The following CD8B2 variants were observed in gnomAD, a reference collection of about 807,000 sequenced individuals.
CD8B2 encodes CD8B family member 2.
A neutral mutation model predicts 23.7 loss-of-function variants in CD8B2; 11 were observed. The ratio of observed to expected loss-of-function variants is 0.46; its 90% CI spans 0.29 to 0.77. The LOEUF (loss-of-function observed/expected upper bound fraction) is 0.77. CD8B2 is among the 30% of genes least tolerant of loss of function. The probability of loss-of-function intolerance (pLI) is 0.09; values close to 1 mark genes in which losing one functional copy is unlikely to be tolerated. For missense variants in CD8B2, 197 were observed against 270.5 expected (o/e 0.73, Z 1.91); for synonymous variants, 90 against 109.3 (o/e 0.82, Z 1.10).
downstream of CD8B2, among the ~76,000 whole-genome samples, chr2:106,514,259 G>C (rs192262246): frequency 3.5e-3 from 520 of 150,020 alleles, 17 homozygotes; most frequent in Admixed American, 0.03. Flanking sequence ...AGGCGATTTG[G>C]TGGGGTGGGT....
At chr2:106,503,884 TGC>T (rs1308014737) in intron 4 of CD8B2, among the ~76,000 whole-genome samples, 2 of 152,244 alleles carry the variant, frequency 1.3e-5, no homozygotes, top group African/African-American at 4.8e-5. Context: ...TGAATGCAAT[TGC>T]CCTAGCCTGA....
chr2:106,537,268 C>T lies in CD8B2; in HGVS notation c.621-6724C>T, dbSNP rs142009417. 1.6e-3 allele frequency among the ~76,000 whole-genome samples: 250 copies of T among 152,258 alleles called. 1 individual carries two copies. Among genetic ancestry groups the T allele is most frequent in the Non-Finnish European group, 3.0e-3 (203 of 68,030 alleles). ...AAACACATTTAATAAACCATGGGCT[C>T]ATCACAAGGTCATCAGATGATGTCA... On this transcript the variant is annotated intron_variant, in intron 5 of 5. Transcript: ENST00000416057.
At position 106,507,261 on chromosome 2, in the gene CD8B2, T is replaced by C; in HGVS notation, c.*321T>C. The C allele has an allele frequency of 1.0e-5, 12 of 1,151,522 alleles. No individual in the cohort carries two copies. Among genetic ancestry groups the C allele is most frequent in the Non-Finnish European group, 1.2e-5 (11 of 934,748 alleles). 71.3% of individuals were successfully genotyped at this position (1,151,522 alleles called of 1,614,324 possible). A position where few individuals can be genotyped will look rare whatever the true frequency, so the allele number is the denominator to read the frequency against. Reference sequence around the variant, plus strand: ...TTCCCTGAGCTGGGACCTTTAGTGGTGGCCGTTTAGCCACCATCTTTGCAA... The same window carrying C: ...TTCCCTGAGCTGGGACCTTTAGTGGCGGCCGTTTAGCCACCATCTTTGCAA... On this transcript the variant is annotated 3_prime_UTR_variant, in exon 6 of 6. Transcript: ENST00000643224.
intron 3 of CD8B2, among the ~76,000 whole-genome samples, chr2:106,501,804 G>T (rs1679413034): frequency 6.6e-6 from 1 of 152,110 alleles, no homozygotes; most frequent in Non-Finnish European, 1.5e-5. Flanking sequence ...AAAGATGTCA[G>T]GGAACACTCT....
chr2:106,526,507 G>A (rs1444856817), intron 5 of CD8B2, among the ~76,000 whole-genome samples: 1 of 152,152 alleles, frequency 6.6e-6, no homozygotes, highest in Admixed American at 6.5e-5. Context: ...TGTAAATGTA[G>A]TCATACACTA....
rs113662644 is a variant in CD8B2, at chr2:106,507,498, C to T, written c.*558C>T. ...GGCTTCCTTTGGGGCCGGGAACTTG[C>T]GGGTTTGAGGATAGGAGTTCACTTC... On this transcript the variant is annotated 3_prime_UTR_variant, in exon 6 of 6. Coordinates refer to ENST00000643224, the MANE Select transcript of CD8B2 (RefSeq NM_001349727.2). 27,813 of 984,200 alleles carry T rather than the reference C, an allele frequency of 0.028. 465 individuals are homozygous for T. The highest frequency in any genetic ancestry group is 0.04 in the African/African-American group (2,264 of 57,314). The allele number at this position is 984,200 out of a possible 1,614,324, so 61.0% of individuals were successfully genotyped here.
intron 5 of CD8B2, among the ~76,000 whole-genome samples, chr2:106,539,234 C>T (rs1019612245): frequency 2.6e-5 from 4 of 152,164 alleles, no homozygotes; most frequent in Admixed American, 1.3e-4. Flanking sequence ...GTGCTGAGAC[C>T]TCCTGTGTCT....
At chr2:106,530,865 C>G (rs969479094) in intron 5 of CD8B2, among the ~76,000 whole-genome samples, 1 of 152,174 alleles carries the variant, frequency 6.6e-6, no homozygotes, top group Non-Finnish European at 1.5e-5. Context: ...CACACTCCCA[C>G]CAGCTCCTTG....
At chr2:106,501,318 G>A (rs1219081874) in intron 3 of CD8B2, among the ~76,000 whole-genome samples, 3 of 150,500 alleles carry the variant, frequency 2.0e-5, no homozygotes, top group South Asian at 2.1e-4. Context: ...GAAAAAAGGT[G>A]CATTGAAAAA....
intron 5 of CD8B2, among the ~76,000 whole-genome samples, chr2:106,540,527 GA>G (rs1240454345): frequency 1.3e-5 from 2 of 152,052 alleles, no homozygotes; most frequent in Non-Finnish European, 2.9e-5. Context: ...TCACAGTCTT[GA>G]GGGGGAAAAA....
intron 5 of CD8B2, among the ~76,000 whole-genome samples, chr2:106,529,157 T>C (rs1378344314): frequency 6.6e-6 from 1 of 152,226 alleles, no homozygotes; most frequent in Non-Finnish European, 1.5e-5. Context: ...AATTTACAAA[T>C]GTCTTTCTGC....
intron 2 of CD8B2, among the ~76,000 whole-genome samples, chr2:106,492,324 A>G (rs1158990228): frequency 6.6e-6 from 1 of 152,212 alleles, no homozygotes; most frequent in African/African-American, 2.4e-5. Context: ...CATGTTTAAA[A>G]AAGCAAAAAG....
intron 2 of CD8B2, among the ~76,000 whole-genome samples, chr2:106,493,011 A>G (rs1170964710): frequency 6.6e-6 from 1 of 152,110 alleles, no homozygotes; most frequent in Non-Finnish European, 1.5e-5. Flanking sequence ...AAACACAGCT[A>G]GTTTCCCGCC....
chr2:106,535,001 T>C (rs911959403), intron 5 of CD8B2, among the ~76,000 whole-genome samples: 3 of 152,114 alleles, frequency 2.0e-5, no homozygotes, highest in African/African-American at 7.2e-5. Flanking sequence ...TTTGTATTTT[T>C]AGTAGAGATG....
intron 1 of CD8B2, among the ~76,000 whole-genome samples, chr2:106,487,986 G>A (rs1213532861): frequency 2.0e-5 from 3 of 152,156 alleles, no homozygotes; most frequent in African/African-American, 7.2e-5. Context: ...TGATGTGGCT[G>A]GTGTTGGGTG....
chr2:106,530,630 C>T (rs927224808), intron 5 of CD8B2, among the ~76,000 whole-genome samples: 3 of 152,292 alleles, frequency 2.0e-5, no homozygotes, highest in South Asian at 2.1e-4. Context: ...CCACCCAGCT[C>T]GGCCTCCCAA....
chr2:106,523,435 G>A (rs1679858852), intron 5 of CD8B2, among the ~76,000 whole-genome samples: 1 of 152,200 alleles, frequency 6.6e-6, no homozygotes, highest in South Asian at 2.1e-4. Flanking sequence ...AGACTCAAAG[G>A]CAGGCAGAGG....
chr2:106,514,752 T>TTGTGTGTG (rs10692298), downstream of CD8B2, among the ~76,000 whole-genome samples: 168 of 145,498 alleles, frequency 1.2e-3, 1 homozygote, highest in African/African-American at 4.0e-3. Flanking sequence ...GTTAAGACTT[T>TTGTGTGTG]TGTGTGTGTG....
intron 5 of CD8B2, among the ~76,000 whole-genome samples, chr2:106,525,566 T>C (rs988242853): frequency 6.6e-6 from 1 of 152,220 alleles, no homozygotes; most frequent in Non-Finnish European, 1.5e-5. Context: ...TTATAGATAG[T>C]GTTCTACCAC....
Sources: gnomAD v4.1 joint callset for allele counts (sites outside exome capture counted in the v4.1 genomes callset) on GRCh38, gnomAD v4.1.1 for gene constraint, MANE v1.5 for transcripts, NCBI Gene and HGNC (gene_info 2026-07-23, HGNC 2026-07-21) for gene names.